The following NTNG1 variants were observed in gnomAD, a reference collection of about 807,000 sequenced individuals.
The protein encoded by NTNG1 is netrin G1.
A neutral mutation model predicts 54.0 loss-of-function variants in NTNG1; 16 were observed. That is an observed-to-expected ratio of 0.30 (90% CI 0.20 to 0.45). The LOEUF (loss-of-function observed/expected upper bound fraction) is 0.45, where lower values mean the gene tolerates loss of function less well. NTNG1 is among the 20% of genes least tolerant of loss of function. NTNG1 has a pLI of 1.00. For missense variants in NTNG1, 530 were observed against 678.7 expected, an observed-to-expected ratio of 0.78 and a Z score of 2.43; for synonymous variants, 255 against 263.1, an observed-to-expected ratio of 0.97 and a Z score of 0.30.
intron 2 of NTNG1, among the ~76,000 whole-genome samples, chr1:107,217,236 G>A (rs2101435018): frequency 6.6e-6 from 1 of 152,232 alleles, no homozygotes; most frequent in Non-Finnish European, 1.5e-5. Context: ...GCATGTAACT[G>A]TGTTCACAGT....
chr1:107,282,705 T>G (rs1270353529), intron 2 of NTNG1, among the ~76,000 whole-genome samples: 1 of 152,198 alleles, frequency 6.6e-6, no homozygotes, highest in Non-Finnish European at 1.5e-5. Flanking sequence ...ACGATTATAT[T>G]ATAGCACTGT....
intron 2 of NTNG1, among the ~76,000 whole-genome samples, chr1:107,283,861 G>T (rs1239390158): frequency 6.6e-6 from 1 of 152,152 alleles, no homozygotes; most frequent in Non-Finnish European, 1.5e-5. Flanking sequence ...CTGTCTTTCA[G>T]TTATTCATTT....
At chr1:107,235,544 C>T (rs981098261) in intron 2 of NTNG1, among the ~76,000 whole-genome samples, 1 of 152,162 alleles carries the variant, frequency 6.6e-6, no homozygotes, top group African/African-American at 2.4e-5. Flanking sequence ...GCTTTACCTT[C>T]AGGAGCTCCA....
intron 2 of NTNG1, among the ~76,000 whole-genome samples, chr1:107,193,504 C>G (rs1255624528): frequency 1.3e-5 from 2 of 151,948 alleles, no homozygotes; most frequent in Non-Finnish European, 2.9e-5. Context: ...TTAGTAATAG[C>G]CAGAGTAGTG....
intron 2 of NTNG1, among the ~76,000 whole-genome samples, chr1:107,160,697 A>G (rs1486593968): frequency 6.6e-6 from 1 of 152,090 alleles, no homozygotes; most frequent in Admixed American, 6.6e-5. Flanking sequence ...TGGCTCCTGC[A>G]TGCCTCTCTA....
chr1:107,421,109 A>G, intron 5 of NTNG1: 3 of 1,610,170 alleles, frequency 1.9e-6, no homozygotes, highest in Non-Finnish European at 2.5e-6. Flanking sequence ...CTTTGTCAAC[A>G]GTTTCTTCTG....
chr1:107,207,129 A>T (rs1659255862), intron 2 of NTNG1, among the ~76,000 whole-genome samples: 1 of 152,258 alleles, frequency 6.6e-6, no homozygotes, highest in East Asian at 1.9e-4. Context: ...CAGCTATCCT[A>T]GACAGTCTCA....
chr1:107,226,240 G>T (rs920212349), intron 2 of NTNG1, among the ~76,000 whole-genome samples: 1 of 152,096 alleles, frequency 6.6e-6, no homozygotes, highest in East Asian at 1.9e-4. Context: ...GTGTACTCTT[G>T]TGAGTCTTAG....
chr1:107,478,126 T>C (rs922058374), intron 7 of NTNG1, among the ~76,000 whole-genome samples: 1 of 152,194 alleles, frequency 6.6e-6, no homozygotes, highest in Non-Finnish European at 1.5e-5. Flanking sequence ...TGATTATGAA[T>C]ATCAGGTAAG....
At chr1:107,452,635 T>G (rs1676696264) in intron 7 of NTNG1, among the ~76,000 whole-genome samples, 1 of 152,140 alleles carries the variant, frequency 6.6e-6, no homozygotes, top group South Asian at 2.1e-4. Context: ...GGGAATGGAT[T>G]AGTTCCCTTG....
intron 2 of NTNG1, among the ~76,000 whole-genome samples, chr1:107,229,714 A>AC (rs553365151): frequency 1.7e-4 from 25 of 149,826 alleles, no homozygotes; most frequent in Non-Finnish European, 2.8e-4. Flanking sequence ...GTTTGCAAAA[A>AC]CTTTTGGGCA....
At position 107,348,315 on chromosome 1, in the gene NTNG1, G is replaced by A. The variant is rs547005870; in HGVS notation, c.887+23393G>A. ...TGATTTTTGTATTTTTAGAAGAGAC[G>A]GCGTTTTGCCATGTTGGCCAGGATG... On this transcript the variant is annotated intron_variant, in intron 3 of 7. Transcript: ENST00000370068. 1.2e-4 allele frequency among the ~76,000 whole-genome samples: 19 copies of A among 152,074 alleles called. No homozygotes were observed. In the East Asian group the frequency reaches 2.3e-3, roughly 19 times the overall value.
chr1:107,360,429 A>ATTTTTT (rs1670193837), intron 3 of NTNG1, among the ~76,000 whole-genome samples: 1 of 152,182 alleles, frequency 6.6e-6, no homozygotes, highest in Non-Finnish European at 1.5e-5. Context: ...CTGAAGAGAA[A>ATTTTTT]TAGAAAGTAC....
intron 2 of NTNG1, among the ~76,000 whole-genome samples, chr1:107,175,222 G>C (rs72979591): frequency 9.7e-4 from 147 of 152,162 alleles, no homozygotes; most frequent in African/African-American, 3.3e-3. Context: ...AGAATGTGAG[G>C]GTTCTCTGCA....
intron 3 of NTNG1, among the ~76,000 whole-genome samples, chr1:107,385,685 C>G (rs1286961724): frequency 6.6e-6 from 1 of 151,828 alleles, no homozygotes; most frequent in African/African-American, 2.4e-5. Context: ...TTGTAGGTAT[C>G]TTATTATCCT....
intron 2 of NTNG1, among the ~76,000 whole-genome samples, chr1:107,191,072 A>C (rs960499767): frequency 1.2e-4 from 18 of 152,164 alleles, no homozygotes; most frequent in African/African-American, 4.1e-4. Flanking sequence ...ATTTCTCCGC[A>C]TCCTCTCCAG....
chr1:107,384,657 G>T (rs1463919901), intron 3 of NTNG1, among the ~76,000 whole-genome samples: 1 of 152,146 alleles, frequency 6.6e-6, no homozygotes, highest in Non-Finnish European at 1.5e-5. Context: ...GCTATATTAG[G>T]TACTCATTAT....
intron 3 of NTNG1, among the ~76,000 whole-genome samples, chr1:107,346,603 T>C (rs1311735796): frequency 6.6e-6 from 1 of 152,080 alleles, no homozygotes; most frequent in Non-Finnish European, 1.5e-5. Flanking sequence ...TCAAAACAAG[T>C]GAAAAATTTA....
intron 2 of NTNG1, among the ~76,000 whole-genome samples, chr1:107,218,080 C>T (rs574924973): frequency 8.6e-4 from 131 of 152,180 alleles, no homozygotes; most frequent in Non-Finnish European, 1.3e-3. Flanking sequence ...CTGTCTGTCT[C>T]AGCAACACAA....
Sources: gnomAD v4.1 joint callset for allele counts (sites outside exome capture counted in the v4.1 genomes callset) on GRCh38, gnomAD v4.1.1 for gene constraint, MANE v1.5 for transcripts, NCBI Gene and HGNC (gene_info 2026-07-23, HGNC 2026-07-21) for gene names.